KIF7: variants seen among roughly 807,000 people sequenced by gnomAD.
KIF7 encodes kinesin-like protein KIF7.
Under a neutral mutation model 135.7 loss-of-function variants are expected in KIF7, and 104 were observed. The observed-to-expected ratio is 0.77, with a 90% confidence interval of 0.65 to 0.90. The LOEUF is 0.90. Among genes scored for constraint, KIF7 ranks in the 40% least tolerant of loss-of-function variants. The pLI, the probability that KIF7 is intolerant of heterozygous loss-of-function variation, is 0.00. For synonymous variants in KIF7, 883 were observed against 809.4 expected (o/e 1.09, Z -1.54); for missense variants, 2,005 against 1,839.1 (o/e 1.09, Z -1.65).
chr15:89,643,142 A>C (rs2142018471), intron 10 of KIF7, among the ~76,000 whole-genome samples: 1 of 152,296 alleles, frequency 6.6e-6, no homozygotes, highest in East Asian at 1.9e-4. Flanking sequence ...GACCTCAGAA[A>C]CAAATACAGT....
At chr15:89,651,881 G>C (rs979491918) in intron 2 of KIF7, among the ~76,000 whole-genome samples, 6 of 152,164 alleles carry the variant, frequency 3.9e-5, no homozygotes, top group African/African-American at 1.2e-4. Context: ...CCTTATAAAA[G>C]AGAGCTGAGA....
chr15:89,649,157 T>A lies in KIF7; in HGVS notation c.740A>T (p.Lys247Met). ...GCCCGCCAGGTCCACGAAGTGGAACTTGGAGACGAGCAGCTGGCCCGGGGC... is the reference window on the plus strand; with the variant it reads ...GCCCGCCAGGTCCACGAAGTGGAACATGGAGACGAGCAGCTGGCCCGGGGC... The part of the protein sequence containing the change: ...RPAPGQLLVS[K>M]FHFVDLAGSE... The change falls in exon 4 of 19, where the codon AAG becomes ATG. Residue 247 changes from lysine to methionine, a missense_variant. Coordinates refer to ENST00000394412, the MANE Select transcript of KIF7 (RefSeq NM_198525.3). The A allele has an allele frequency of 2.6e-6, 4 of 1,548,200 alleles. No individual in the cohort carries two copies. Among genetic ancestry groups the A allele is most frequent in the Non-Finnish European group, 3.5e-6 (4 of 1,146,706 alleles).
intron 2 of KIF7, among the ~76,000 whole-genome samples, chr15:89,650,388 G>C (rs977847915): frequency 2.0e-5 from 3 of 152,122 alleles, no homozygotes; most frequent in African/African-American, 7.2e-5. Flanking sequence ...TAGGAGATCT[G>C]GCCAAATCAA....
rs1407346812 is a variant in KIF7 at position 89,649,335 on chromosome 15, C to T, written c.562G>A (p.Gly188Ser). The change falls in exon 4 of 19, where the codon GGC becomes AGC. Residue 188 changes from glycine (G) to serine (S), a missense_variant. Coordinates refer to ENST00000394412, the MANE Select transcript of KIF7 (RefSeq NM_198525.3). ...AGGAGGCTCAGCACCTCATCCAGGC[C>T]CTCCACGTCGACCTCCTTCACCCCG... ...LCGVKEVDVE[G>S]LDEVLSLLEM... 6.1e-6 allele frequency: 9 copies of T among 1,467,976 alleles called. 1 individual carries two copies. The South Asian group carries it at 9.8e-5, about 16-fold the overall frequency. 90.9% of individuals were successfully genotyped at this position (1,467,976 alleles called of 1,614,324 possible).
At chr15:89,649,603 A>G (rs1964090494) in intron 3 of KIF7, 138 bp downstream of exon 3, 1 of 1,041,710 alleles carries the variant, frequency 9.6e-7, no homozygotes, top group Non-Finnish European at 1.4e-6. Context: ...AGTGGAGGCA[A>G]GAAGCTAAAG....
chr15:89,650,677 C>T (rs779307365), intron 2 of KIF7, among the ~76,000 whole-genome samples: 6 of 152,182 alleles, frequency 3.9e-5, no homozygotes, highest in Admixed American at 1.3e-4. Flanking sequence ...CAGGCATGAG[C>T]CACCGCACCT....
chr15:89,645,057 T>G lies in KIF7; in HGVS notation c.2147A>C (p.Asn716Thr), dbSNP rs1963986844. 6 of 1,607,104 alleles carry G rather than the reference T, an allele frequency of 3.7e-6. No individual in the cohort carries two copies. The East Asian group carries it at 1.3e-4, about 36-fold the overall frequency. ...AQQKIRELAI[N>T]IRMKEELIGE... is the part of the protein sequence containing the mutation. ...AATAAGCTCCTCCTTCATGCGGATGTTGATAGCCAGCTCCCGGATCTTCTG... is the reference window on the plus strand; with the variant it reads ...AATAAGCTCCTCCTTCATGCGGATGGTGATAGCCAGCTCCCGGATCTTCTG... Residue 716 changes from asparagine (N) to threonine (T), a missense_variant, in exon 10 of 19, where the codon AAC (asparagine) becomes ACC (threonine). Transcript: ENST00000394412.
At chr15:89,641,165 G>T (rs1366799668) in intron 11 of KIF7, among the ~76,000 whole-genome samples, 7 of 152,054 alleles carry the variant, frequency 4.6e-5, no homozygotes, top group Admixed American at 4.6e-4. Flanking sequence ...GGACATTAGG[G>T]TGGGCCCTAA....
At chr15:89,617,604 C>T (rs1963355488) in intron 2 of KIF7, among the ~76,000 whole-genome samples, 1 of 152,162 alleles carries the variant, frequency 6.6e-6, no homozygotes, top group Non-Finnish European at 1.5e-5. Context: ...CTCACTGCAA[C>T]CTCTGCCTCC....
At chr15:89,648,927 C>A (rs1452497253) in intron 4 of KIF7, 47 bp downstream of exon 4, 13 of 1,488,288 alleles carry the variant, frequency 8.7e-6, no homozygotes, top group African/African-American at 2.8e-5. Context: ...TGGACACTCC[C>A]CGCCTCCCCG....
chr15:89,645,752 TG>T, intron 8 of KIF7, 140 bp downstream of exon 8: 1 of 1,190,270 alleles, frequency 8.4e-7, no homozygotes, highest in Non-Finnish European at 1.2e-6. Context: ...CCCCAGGGGC[TG>T]GCCAGGGCAA....
chr15:89,624,991 G>A, downstream of KIF7: 1 of 1,614,100 alleles, frequency 6.2e-7, no homozygotes. Context: ...GACCTATGAG[G>A]TTGAGCTGGA....
chr15:89,639,563 A>G (rs1364346047), intron 11 of KIF7, among the ~76,000 whole-genome samples: 110 of 131,406 alleles, frequency 8.4e-4, no homozygotes, highest in African/African-American at 1.1e-3. Flanking sequence ...ACTGGCCATC[A>G]GAGAAATGCA....
chr15:89,622,230 C>T (rs754170854), intron 1 of KIF7, among the ~76,000 whole-genome samples: 36 of 152,140 alleles, frequency 2.4e-4, no homozygotes, highest in Non-Finnish European at 4.9e-4. Context: ...AAGTGATCCA[C>T]CTGCCTCAGC....
rs769296331 is a variant in KIF7 at position 89,633,746 on chromosome 15, C to T, written c.2532G>A (p.Glu844=). ...CCAGGCGCCGCTTCTGCTCCGTCTC[C>T]TCGCGAAGCCGCCTCTGCAGCTGTC... is the stretch of plus-strand genomic sequence containing the variant. ...QQGQLQRRLR[E]ETEQKRRLEA... is the part of the protein sequence containing the mutation. Residue 844 remains glutamate (E), a synonymous_variant, in exon 12 of 19, where the codon GAG becomes GAA. Coordinates refer to ENST00000394412, the MANE Select transcript of KIF7 (RefSeq NM_198525.3). 2 of 1,609,478 alleles carry T rather than the reference C, an allele frequency of 1.2e-6. No individual in the cohort carries two copies. The highest frequency in any genetic ancestry group is 2.7e-5 in the African/African-American group (2 of 74,942).
chr15:89,633,120 G>A, intron 13 of KIF7, 21 bp downstream of exon 13: 1 of 1,601,602 alleles, frequency 6.2e-7, no homozygotes, highest in East Asian at 2.2e-5. Flanking sequence ...AGCCCTGGGT[G>A]CGGACACAGC....
intron 12 of KIF7, 64 bp from the exon 13 acceptor site, chr15:89,633,330 C>G (rs917751629): frequency 1.3e-6 from 2 of 1,534,200 alleles, no homozygotes; most frequent in African/African-American, 2.7e-5. Flanking sequence ...AGCCTGCCAC[C>G]GATCCCAAAG....
intron 11 of KIF7, among the ~76,000 whole-genome samples, chr15:89,638,248 T>C (rs1407110036): frequency 9.2e-6 from 1 of 108,580 alleles, no homozygotes; most frequent in Non-Finnish European, 2.1e-5. Flanking sequence ...AAGACAGGGA[T>C]GCCCTCTCTC....
intron 16 of KIF7, 44 bp downstream of exon 16, chr15:89,630,243 G>T: frequency 6.3e-7 from 1 of 1,579,152 alleles, no homozygotes; most frequent in Non-Finnish European, 8.7e-7. Flanking sequence ...CTCCCCACAC[G>T]TGCCGCTGAG....
Sources: allele counts gnomAD v4.1 joint callset (sites outside exome capture counted in the v4.1 genomes callset), GRCh38; gene constraint gnomAD v4.1.1; transcripts MANE v1.5; gene names NCBI Gene and HGNC (gene_info 2026-07-23, HGNC 2026-07-21).